NRXN1: variants seen among roughly 807,000 people sequenced by gnomAD.
NRXN1 encodes neurexin 1, also known as neurexin-1.
Under a neutral mutation model 150.9 loss-of-function variants are expected in NRXN1, and 39 were observed. The ratio of observed to expected loss-of-function variants is 0.26; its 90% CI spans 0.20 to 0.34. NRXN1 has a LOEUF of 0.34. Among genes scored for constraint, NRXN1 ranks in the 10% least tolerant of loss-of-function variants. The pLI is 1.00. For synonymous variants in NRXN1, 924 were observed against 757.0 expected (o/e 1.22, Z -3.62); for missense variants, 1,815 against 1,949.9 (o/e 0.93, Z 1.30).
chr2:50,289,662 CTTAAA>C (rs1344381474), intron 17 of NRXN1, among the ~76,000 whole-genome samples: 1 of 152,024 alleles, frequency 6.6e-6, no homozygotes, highest in Non-Finnish European at 1.5e-5. Context: ...TAATCAAGGT[CTTAAA>C]TTAAATTGAA....
intron 5 of NRXN1, among the ~76,000 whole-genome samples, chr2:50,700,067 TC>T: frequency 6.6e-6 from 1 of 152,182 alleles, no homozygotes; most frequent in Non-Finnish European, 1.5e-5. Context: ...AAAAAATTGT[TC>T]CTTTAGTTGT....
At chr2:50,391,466 C>T (rs1159674483) in intron 17 of NRXN1, among the ~76,000 whole-genome samples, 1 of 152,000 alleles carries the variant, frequency 6.6e-6, no homozygotes, top group Admixed American at 6.6e-5. Context: ...CCATGTGTTT[C>T]AAATTTACAT....
chr2:50,907,192 A>C (rs1280931636), intron 5 of NRXN1, among the ~76,000 whole-genome samples: 1 of 151,922 alleles, frequency 6.6e-6, no homozygotes, highest in Non-Finnish European at 1.5e-5. Context: ...AAACCAAAAA[A>C]AAAAACAAAA....
Position 50,003,156 on chromosome 2 carries a change from T to C in NRXN1, c.4128+50115A>G, listed in dbSNP as rs1459500139. On this transcript the variant is annotated intron_variant, in intron 21 of 22. Transcript: ENST00000401669. ...TGGATGAGAATACCCTGATTAATTA[T>C]GCATCAATATGGAATAGGGTCCATA... Among the ~76,000 whole-genome samples, 3 of 152,116 alleles carry C rather than the reference T, an allele frequency of 2.0e-5. No homozygotes were observed. In the South Asian group the frequency reaches 6.2e-4, roughly 31 times the overall value.
At chr2:50,309,381 G>C (rs2074970966) in intron 17 of NRXN1, among the ~76,000 whole-genome samples, 1 of 152,126 alleles carries the variant, frequency 6.6e-6, no homozygotes, top group East Asian at 1.9e-4. Context: ...CTAATTAATT[G>C]TGAAGGCCTT....
chr2:50,503,952 G>C (rs930967439), intron 13 of NRXN1, among the ~76,000 whole-genome samples: 3 of 151,864 alleles, frequency 2.0e-5, no homozygotes, highest in African/African-American at 7.3e-5. Context: ...TCAACAACGC[G>C]GTATTTCACC....
chr2:50,457,396 G>A (rs1314020569), intron 17 of NRXN1, among the ~76,000 whole-genome samples: 1 of 152,044 alleles, frequency 6.6e-6, no homozygotes, highest in Admixed American at 6.6e-5. Context: ...GAGACTGTGG[G>A]TACAGAAAAG....
chr2:50,269,663 T>A lies in NRXN1; in HGVS notation c.3365-32693A>T, dbSNP rs115764684. Among the ~76,000 whole-genome samples the A allele has an allele frequency of 1.8e-3, 272 of 152,338 alleles. 1 individual carries two copies. The highest frequency in any genetic ancestry group is 6.0e-3 in the African/African-American group (251 of 41,588). On this transcript the variant is annotated intron_variant, in intron 17 of 22. Coordinates refer to ENST00000401669, the MANE Select transcript of NRXN1 (RefSeq NM_001330078.2). ...AAAAGAAAGACACTACTTCTACACC[T>A]GCCAAAAGCCTGCCGTTTTGCAAAC...
chr2:50,352,905 T>A (rs1399143092), intron 17 of NRXN1, among the ~76,000 whole-genome samples: 1 of 151,840 alleles, frequency 6.6e-6, no homozygotes, highest in Non-Finnish European at 1.5e-5. Flanking sequence ...TTATGAAGTG[T>A]TTATTTATCT....
chr2:50,504,140 T>TAAAAAAAAAAAAAAAAA (rs70948715), intron 13 of NRXN1, among the ~76,000 whole-genome samples: 1 of 112,438 alleles, frequency 8.9e-6, no homozygotes, highest in Non-Finnish European at 1.7e-5. Flanking sequence ...ACATGACAAC[T>TAAAAAAAAAAAAAAAAA]AAAAAAAAAA....
At chr2:50,557,746 C>G (rs1668464426) in intron 8 of NRXN1, among the ~76,000 whole-genome samples, 1 of 152,104 alleles carries the variant, frequency 6.6e-6, no homozygotes, top group Non-Finnish European at 1.5e-5. Flanking sequence ...ATTTCTTATT[C>G]TTACATTGAA....
chr2:50,884,022 A>C (rs527759838), intron 5 of NRXN1, among the ~76,000 whole-genome samples: 5 of 151,910 alleles, frequency 3.3e-5, no homozygotes, highest in African/African-American at 1.2e-4. Context: ...GTGAAAATTC[A>C]TTTATCTGTA....
chr2:50,505,097 T>G (rs975976048), intron 13 of NRXN1, among the ~76,000 whole-genome samples: 1 of 152,168 alleles, frequency 6.6e-6, no homozygotes, highest in African/African-American at 2.4e-5. Context: ...GTGTTTTATA[T>G]GTATGTATGT....
intron 21 of NRXN1, among the ~76,000 whole-genome samples, chr2:49,984,167 A>C (rs1255948996): frequency 1.3e-5 from 2 of 152,170 alleles, no homozygotes; most frequent in African/African-American, 4.8e-5. Context: ...ACCTGGTTTC[A>C]AAAAATTAAG....
intron 18 of NRXN1, among the ~76,000 whole-genome samples, chr2:50,209,279 C>G (rs1321802663): frequency 6.6e-6 from 1 of 152,132 alleles, no homozygotes; most frequent in Non-Finnish European, 1.5e-5. Context: ...ATTATAAACA[C>G]TAGAGATTTA....
At chr2:50,178,894 G>A (rs945085725) in intron 18 of NRXN1, among the ~76,000 whole-genome samples, 4 of 152,058 alleles carry the variant, frequency 2.6e-5, no homozygotes, top group Non-Finnish European at 5.9e-5. Context: ...GGGAAAATGG[G>A]GAATCCAAGA....
At chr2:50,206,242 C>A (rs556881) in intron 18 of NRXN1, among the ~76,000 whole-genome samples, 22 of 57,162 alleles carry the variant, frequency 3.8e-4, no homozygotes, top group East Asian at 6.5e-4. Context: ...CACACACACA[C>A]ACACACACAC....
At chr2:50,968,945 T>G (rs1694556576) in intron 2 of NRXN1, among the ~76,000 whole-genome samples, 1 of 152,108 alleles carries the variant, frequency 6.6e-6, no homozygotes, top group South Asian at 2.1e-4. Context: ...TCTGAACACC[T>G]TAGTCTGGCC....
intron 5 of NRXN1, among the ~76,000 whole-genome samples, chr2:50,763,208 T>G (rs1702009960): frequency 6.6e-6 from 1 of 151,990 alleles, no homozygotes; most frequent in Non-Finnish European, 1.5e-5. Flanking sequence ...TATATGGTGT[T>G]ACTATTAATT....
Sources: allele counts gnomAD v4.1 joint callset (sites outside exome capture counted in the v4.1 genomes callset), GRCh38; gene constraint gnomAD v4.1.1; transcripts MANE v1.5; gene names NCBI Gene and HGNC (gene_info 2026-07-23, HGNC 2026-07-21).